SS18: variants seen among roughly 807,000 people sequenced by gnomAD.
SS18 encodes SS18 subunit of BAF chromatin remodeling complex, also known as protein SSXT.
In SS18, 28 loss-of-function variants were observed where a neutral mutation model predicts 72.5. The observed-to-expected ratio is 0.39, with a 90% CI of 0.29 to 0.53. The LOEUF is 0.53. Among genes scored for constraint, SS18 ranks in the 20% least tolerant of loss-of-function variants. The pLI is 0.76. For missense variants in SS18, 518 were observed against 535.3 expected, an observed-to-expected ratio of 0.97 and a Z score of 0.32; for synonymous variants, 172 against 164.2, an observed-to-expected ratio of 1.05 and a Z score of -0.37.
At chr18:26,090,397 G>T in intron 1 of SS18, 104 bp downstream of exon 1, 2 of 1,170,812 alleles carry the variant, frequency 1.7e-6, no homozygotes, top group Non-Finnish European at 2.5e-6. Context: ...CAGCAGGCCC[G>T]CCTCCGCCTC....
chr18:26,022,042 G>A lies in SS18; in HGVS notation c.1231-3662C>T, dbSNP rs2143774091. ...AAGAGTTCCTAAGGTAGAAATCTGA[G>A]CAATACCAAAATCTTTACATTTCTT... On this transcript the variant is annotated intron_variant, in intron 10 of 10. Transcript: ENST00000415083. Among the ~76,000 whole-genome samples, 4 of 152,190 alleles carry A rather than the reference G, an allele frequency of 2.6e-5. No homozygotes were observed. In the South Asian group the frequency reaches 8.3e-4, roughly 32 times the overall value.
In SS18 at chr18:26,087,561, T is replaced by C. The variant is rs767203407; in HGVS notation, c.86A>G (p.Asn29Ser). 23 of 1,588,804 alleles carry C rather than the reference T, an allele frequency of 1.4e-5. No individual in the cohort carries two copies. Among genetic ancestry groups the C allele is most frequent in the African/African-American group, 2.7e-5 (2 of 74,062 alleles). The change falls in exon 2 of 11, where the codon AAC becomes AGC. Residue 29 changes from asparagine to serine, a missense_variant. Coordinates refer to ENST00000415083, the MANE Select transcript of SS18 (RefSeq NM_001007559.3). ...AAIQKMLDDN[N>S]HLIQCIMDSQ... is the part of the protein sequence containing the mutation. ...GTCCATTATACACTGAATAAGATGG[T>C]TATTGTCATCCAACATCTGAAACAG...
intron 10 of SS18, among the ~76,000 whole-genome samples, chr18:26,030,659 A>G (rs1200091147): frequency 6.6e-6 from 1 of 152,218 alleles, no homozygotes. Context: ...AGTTTAGTCT[A>G]CAACATGCTA....
chr18:26,059,367 G>A (rs1173459973), intron 3 of SS18, among the ~76,000 whole-genome samples: 2 of 151,628 alleles, frequency 1.3e-5, no homozygotes, highest in African/African-American at 4.8e-5. Flanking sequence ...ATTGGACTAA[G>A]GAAAAAAAAG....
At chr18:26,067,690 C>T (rs758270774) in intron 3 of SS18, among the ~76,000 whole-genome samples, 2 of 152,070 alleles carry the variant, frequency 1.3e-5, no homozygotes, top group Non-Finnish European at 2.9e-5. Flanking sequence ...ATTTAATGGG[C>T]GTGGTAAAGA....
chr18:26,058,779 T>G (rs2054069672), intron 3 of SS18, among the ~76,000 whole-genome samples: 1 of 152,248 alleles, frequency 6.6e-6, no homozygotes, highest in South Asian at 2.1e-4. Flanking sequence ...AATTTTAATT[T>G]CTTCACAACT....
At position 26,038,472 on chromosome 18, in the gene SS18, C is replaced by T. The variant is rs567133576; in HGVS notation, c.880+83G>A. On this transcript the variant is annotated intron_variant, in intron 7 of 10. Coordinates refer to ENST00000415083, the MANE Select transcript of SS18 (RefSeq NM_001007559.3). The stretch of plus-strand genomic sequence containing the variant: ...GAAACAAATTGTTAGTTTCTTCGTC[C>T]TCACTGAAATGTTTTAAATAACTCT... 3.6e-4 allele frequency: 458 copies of T among 1,266,334 alleles called. 6 individuals carry two copies. In the South Asian group the frequency reaches 5.6e-3, roughly 15 times the overall value. The allele number at this position is 1,266,334 out of a possible 1,614,324, so 78.4% of individuals were successfully genotyped here. A position where few individuals can be genotyped will look rare whatever the true frequency, so the allele number is the denominator to read the frequency against.
rs549015477 is a variant in SS18, at chr18:26,083,842, A to G, written c.146+3659T>C. Among the ~76,000 whole-genome samples the G allele has an allele frequency of 5.3e-5, 8 of 152,288 alleles. No homozygotes were observed. In the South Asian group the frequency reaches 1.7e-3, roughly 32 times the overall value. Reference sequence around the variant, plus strand: ...TTACTATCCACAGTTAAACCAAAGAAGTAGATCAGCTAGTTAATTTTTTAA... The same window carrying G: ...TTACTATCCACAGTTAAACCAAAGAGGTAGATCAGCTAGTTAATTTTTTAA... On this transcript the variant is annotated intron_variant, in intron 2 of 10. Transcript: ENST00000415083.
chr18:26,090,872 G>C (rs1374460993), upstream of SS18: 18 of 431,300 alleles, frequency 4.2e-5, no homozygotes, highest in Non-Finnish European at 6.6e-5. Flanking sequence ...TCGCGCCCTA[G>C]TCCTCCCTCC....
chr18:26,026,877 T>G (rs1055747493), intron 10 of SS18, among the ~76,000 whole-genome samples: 1 of 152,096 alleles, frequency 6.6e-6, no homozygotes, highest in African/African-American at 2.4e-5. Context: ...AAATTTACAA[T>G]AGCATCAAAA....
chr18:26,084,734 A>C (rs1189383130), intron 2 of SS18, among the ~76,000 whole-genome samples: 1 of 152,172 alleles, frequency 6.6e-6, no homozygotes, highest in Non-Finnish European at 1.5e-5. Flanking sequence ...CCACAAAACT[A>C]CTGGTCTATA....
intron 3 of SS18, among the ~76,000 whole-genome samples, chr18:26,071,223 C>T (rs1011764686): frequency 1.4e-4 from 21 of 152,202 alleles, no homozygotes; most frequent in African/African-American, 4.6e-4. Flanking sequence ...CATGAACCTA[C>T]AGATGTCAGA....
chr18:26,073,716 T>A (rs989544462), intron 3 of SS18, among the ~76,000 whole-genome samples: 1 of 152,352 alleles, frequency 6.6e-6, no homozygotes, highest in East Asian at 1.9e-4. Context: ...AATTATTTTG[T>A]AAATTCTCCA....
chr18:26,039,161 C>CTT (rs1234074210), intron 6 of SS18, 128 bp downstream of exon 6: 4 of 797,060 alleles, frequency 5.0e-6, no homozygotes, highest in Non-Finnish European at 7.3e-6. Context: ...AGAACCCTAC[C>CTT]TTTTGTCAAA....
At chr18:26,086,253 G>A (rs1188354863) in intron 2 of SS18, among the ~76,000 whole-genome samples, 3 of 152,100 alleles carry the variant, frequency 2.0e-5, no homozygotes, top group Admixed American at 6.5e-5. Flanking sequence ...TGGTATCCAT[G>A]GGGAGTCCTG....
chr18:26,017,158 G>T lies in SS18; in HGVS notation c.*1196C>A, dbSNP rs2053263265. The T allele has an allele frequency of 1.9e-5, 4 of 209,976 alleles. No individual in the cohort carries two copies. The highest frequency in any genetic ancestry group is 1.2e-4 in the Admixed American group (2 of 16,912). 13.0% of individuals were successfully genotyped at this position (209,976 alleles called of 1,614,324 possible). A position where few individuals can be genotyped will look rare whatever the true frequency, so the allele number is the denominator to read the frequency against. Reference sequence around the variant, plus strand: ...AAAATATGCCATGCTAATAAACAAGGTTATCTAGAATGCAACCTCGGTGCT... The same window carrying T: ...AAAATATGCCATGCTAATAAACAAGTTTATCTAGAATGCAACCTCGGTGCT... On this transcript the variant is annotated 3_prime_UTR_variant, in exon 11 of 11. Transcript: ENST00000415083.
At chr18:26,068,984 A>C (rs2054266851) in intron 3 of SS18, among the ~76,000 whole-genome samples, 1 of 152,238 alleles carries the variant, frequency 6.6e-6, no homozygotes. Context: ...AATTCCAATC[A>C]GCTTTCAGCC....
rs1190703095 is a variant in SS18, at chr18:26,038,756, CTA to C, written c.776-99_776-98del. The C allele has an allele frequency of 3.5e-6, 4 of 1,127,246 alleles. No individual in the cohort carries two copies. In the African/African-American group the frequency reaches 4.6e-5, roughly 13 times the overall value. 69.8% of individuals were successfully genotyped at this position (1,127,246 alleles called of 1,614,324 possible). ...GATATTATGAAAGATTATTTCTCAA[CTA>C]TAGATTCCCATCTCATAATTTGGCA... is the stretch of plus-strand genomic sequence containing the variant. On this transcript the variant is annotated intron_variant, in intron 6 of 10. Transcript: ENST00000415083.
chr18:26,069,388 T>C lies in SS18; in HGVS notation c.231+8688A>G, dbSNP rs1458407030. On this transcript the variant is annotated intron_variant, in intron 3 of 10. Coordinates refer to ENST00000415083, the MANE Select transcript of SS18 (RefSeq NM_001007559.3). ...TTTTTCTGAAATTCTCAAAATGTCA[T>C]TGGATAATCCATTTGAAAGGCAGAT... Among the ~76,000 whole-genome samples the C allele has an allele frequency of 2.6e-5, 4 of 151,834 alleles. 1 individual carries two copies. The highest frequency in any genetic ancestry group is 4.1e-4 in the South Asian group (2 of 4,828).
Sources: allele counts gnomAD v4.1 joint callset (sites outside exome capture counted in the v4.1 genomes callset), GRCh38; gene constraint gnomAD v4.1.1; transcripts MANE v1.5; gene names NCBI Gene and HGNC (gene_info 2026-07-23, HGNC 2026-07-21).